GRTP1: variants seen among roughly 807,000 people sequenced by gnomAD.
GRTP1 encodes growth hormone regulated TBC protein 1.
A neutral mutation model predicts 38.1 loss-of-function variants in GRTP1; 56 were observed. That is an observed-to-expected ratio of 1.47 (90% CI 1.19 to 1.84). The LOEUF is 1.84. GRTP1 is among the 40% of genes most tolerant of loss of function. GRTP1 has a pLI of 0.00. For missense variants in GRTP1, 506 were observed against 453.9 expected (o/e 1.11, Z -1.04); for synonymous variants, 217 against 189.5 (o/e 1.14, Z -1.19).
In GRTP1 at chr13:113,324,470, C is replaced by T. The variant is rs752626539; in HGVS notation, c.*18G>A. 1.2e-4 allele frequency: 189 copies of T among 1,594,220 alleles called. No homozygotes were observed. The highest frequency in any genetic ancestry group is 3.5e-4 in the Admixed American group (20 of 57,010). On this transcript the variant is annotated 3_prime_UTR_variant, in exon 8 of 8. Coordinates refer to ENST00000375431, the MANE Select transcript of GRTP1 (RefSeq NM_024719.4). ...GCATCGTCAGTGTAGAGACGAGCAA[C>T]GCAGGGGACAGGCACGCTCACCCCT...
At chr13:113,345,798 G>T (rs1433860272) in intron 4 of GRTP1, among the ~76,000 whole-genome samples, 1 of 152,210 alleles carries the variant, frequency 6.6e-6, no homozygotes, top group Non-Finnish European at 1.5e-5. Context: ...ACGTCCCTTG[G>T]CCTGGACCTC....
At chr13:113,327,147 G>A (rs910045810) in intron 5 of GRTP1, among the ~76,000 whole-genome samples, 7 of 152,152 alleles carry the variant, frequency 4.6e-5, no homozygotes, top group Admixed American at 1.3e-4. Flanking sequence ...GTTTACCTAC[G>A]TAATTTTTTA....
intron 2 of GRTP1, among the ~76,000 whole-genome samples, chr13:113,355,996 T>G (rs746837657): frequency 6.6e-6 from 1 of 152,048 alleles, no homozygotes; most frequent in African/African-American, 2.4e-5. Context: ...TAATTGACAA[T>G]AAAAATGTGA....
At chr13:113,336,224 G>A (rs111979674) in intron 5 of GRTP1, among the ~76,000 whole-genome samples, 1,945 of 152,102 alleles carry the variant, frequency 0.013, 43 homozygotes, top group African/African-American at 0.043. Context: ...CGTGGCGAAC[G>A]CTGGAGGACA....
chr13:113,363,345 C>A (rs369011524), intron 2 of GRTP1, among the ~76,000 whole-genome samples: 1 of 152,224 alleles, frequency 6.6e-6, no homozygotes, highest in African/African-American at 2.4e-5. Flanking sequence ...GTAGCTGGGA[C>A]TACAGGCAGG....
chr13:113,326,740 TC>T (rs2042780588), intron 5 of GRTP1, among the ~76,000 whole-genome samples: 1 of 152,162 alleles, frequency 6.6e-6, no homozygotes, highest in Admixed American at 6.5e-5. Context: ...ACCCCCGTGT[TC>T]CTAGCAGAAC....
Position 113,363,784 on chromosome 13 carries a change from C to T in GRTP1, c.159G>A (p.Gly53=). 6.2e-7 allele frequency: 1 copy of T among 1,603,834 alleles called. No homozygotes were observed. The highest frequency in any genetic ancestry group is 8.5e-7 in the Non-Finnish European group (1 of 1,176,814). ...AIKWSRLLQG[G]GVPRSRTVKR... ...CACCTGTCCGGCTCCTGGGGACGCC[C>T]CCGCCCTGCAGCAGCCGGGACCATT... Residue 53 remains glycine, a synonymous_variant, in exon 2 of 8, where the codon GGG becomes GGA. Transcript: ENST00000375431.
In GRTP1 at chr13:113,346,628, ACCTCTGTG is replaced by A. The variant is rs1198018998; in HGVS notation, c.466-1677_466-1670del. On this transcript the variant is annotated intron_variant, in intron 4 of 7. Coordinates refer to ENST00000375431, the MANE Select transcript of GRTP1 (RefSeq NM_024719.4). ...TGTGCCTGACAGTGGACCCGGGAGG[ACCTCTGTG>A]GCTGAGAGCGGACCTGGGAGGACCT... 1.3e-3 allele frequency among the ~76,000 whole-genome samples: 9 copies of A among 7,100 alleles called. 2 individuals carry two copies. The highest frequency in any genetic ancestry group is 1.5e-3 in the African/African-American group (9 of 6,194). 4.7% of individuals were successfully genotyped at this position (7,100 alleles called of 152,430 possible). A position where few individuals can be genotyped will look rare whatever the true frequency, so the allele number is the denominator to read the frequency against.
chr13:113,347,191 G>C (rs112399152), intron 4 of GRTP1, among the ~76,000 whole-genome samples: 7 of 94,028 alleles, frequency 7.4e-5, no homozygotes, highest in South Asian at 3.3e-4. Flanking sequence ...GACCCAGGAG[G>C]ACCTCTGTGG....
chr13:113,351,728 A>G (rs1162937956), intron 3 of GRTP1: 1 of 152,330 alleles, frequency 6.6e-6, no homozygotes, highest in Non-Finnish European at 1.5e-5. Context: ...CCCTGGACAC[A>G]AGCCGAGCAG....
At chr13:113,335,649 C>T (rs2042944938) in intron 5 of GRTP1, among the ~76,000 whole-genome samples, 1 of 152,062 alleles carries the variant, frequency 6.6e-6, no homozygotes, top group Admixed American at 6.6e-5. Context: ...TGGTAACTGC[C>T]CTTCTACTCT....
intron 5 of GRTP1, among the ~76,000 whole-genome samples, chr13:113,328,762 C>T (rs1473292893): frequency 6.6e-6 from 1 of 152,234 alleles, no homozygotes; most frequent in African/African-American, 2.4e-5. Flanking sequence ...GCAGCCAAAA[C>T]ATTAAATGGT....
At chr13:113,334,282 A>ACCCCGCACTGCTAAGACC in intron 5 of GRTP1, among the ~76,000 whole-genome samples, 1 of 144,936 alleles carries the variant, frequency 6.9e-6, no homozygotes, top group South Asian at 2.2e-4. Flanking sequence ...CTGCCACGAC[A>ACCCCGCACTGCTAAGACC]GCCTCCCGCC....
intron 5 of GRTP1, among the ~76,000 whole-genome samples, chr13:113,338,544 G>A (rs932887880): frequency 1.3e-4 from 20 of 152,234 alleles, no homozygotes; most frequent in East Asian, 9.6e-4. Context: ...ATCTCAGCCC[G>A]GGGATGGGAT....
intron 2 of GRTP1, among the ~76,000 whole-genome samples, chr13:113,359,036 A>C (rs1033876693): frequency 3.3e-5 from 5 of 152,218 alleles, no homozygotes; most frequent in Admixed American, 1.3e-4. Flanking sequence ...ATTGTAGTAC[A>C]TCCGTAAATG....
At chr13:113,346,182 ACC>A (rs1480613134) in intron 4 of GRTP1, among the ~76,000 whole-genome samples, 2 of 140,682 alleles carry the variant, frequency 1.4e-5, no homozygotes, top group African/African-American at 2.7e-5. Flanking sequence ...ACCCGGGAGG[ACC>A]TCTGTGGCTG....
At chr13:113,341,353 G>GCC (rs2139439864) in intron 5 of GRTP1, among the ~76,000 whole-genome samples, 2 of 151,350 alleles carry the variant, frequency 1.3e-5, no homozygotes, top group East Asian at 3.9e-4. Context: ...TGCAACCTCT[G>GCC]TCCCCTGGGT....
chr13:113,325,443 G>C (rs1315508814), intron 7 of GRTP1: 14 of 1,443,752 alleles, frequency 9.7e-6, no homozygotes, highest in Admixed American at 2.8e-5. Context: ...AGCAGCGTCC[G>C]CAGTGCCAGG....
chr13:113,326,210 A>G, intron 5 of GRTP1, 119 bp from the exon 6 acceptor site: 2 of 1,263,578 alleles, frequency 1.6e-6, no homozygotes, highest in Non-Finnish European at 2.2e-6. Context: ...CCCAAGAGGG[A>G]GGGACAAAGT....
Sources: allele counts gnomAD v4.1 joint callset (sites outside exome capture counted in the v4.1 genomes callset), GRCh38; gene constraint gnomAD v4.1.1; transcripts MANE v1.5; gene names NCBI Gene and HGNC (gene_info 2026-07-23, HGNC 2026-07-21).